CCDC7: variants seen among roughly 807,000 people sequenced by gnomAD.
CCDC7 encodes the protein coiled-coil domain containing 7, also known as coiled-coil domain-containing protein 7.
CCDC7 carries 183 observed loss-of-function variants against 196.9 expected under a neutral mutation model. The observed-to-expected ratio is 0.93, with a 90% CI of 0.82 to 1.05. The LOEUF (loss-of-function observed/expected upper bound fraction) is 1.05, where lower values mean the gene tolerates loss of function less well. CCDC7 is among the 50% of genes least tolerant of loss of function. The pLI, the probability that CCDC7 is intolerant of heterozygous loss-of-function variation, is 0.00. For synonymous variants in CCDC7, 525 were observed against 484.6 expected (o/e 1.08, Z -1.10); for missense variants, 1,540 against 1,482.2 (o/e 1.04, Z -0.64).
In CCDC7 at chr10:32,569,291, A is replaced by G. The variant is rs144487333; in HGVS notation, c.1419+1400A>G. Among the ~76,000 whole-genome samples the G allele has an allele frequency of 2.4e-4, 37 of 152,318 alleles. No homozygotes were observed. In the East Asian group the frequency reaches 6.0e-3, roughly 25 times the overall value. Reference sequence around the variant, plus strand: ...GGAGATTTTGATGTAATAGAAGTTTATACTCATTGTCCATGTTCTTATAGT... The same window carrying G: ...GGAGATTTTGATGTAATAGAAGTTTGTACTCATTGTCCATGTTCTTATAGT... On this transcript the variant is annotated intron_variant, in intron 15 of 41. Transcript: ENST00000639629.
At chr10:32,670,612 A>C (rs930561469) in intron 21 of CCDC7, among the ~76,000 whole-genome samples, 4 of 140,200 alleles carry the variant, frequency 2.9e-5, no homozygotes, top group African/African-American at 1.1e-4. Flanking sequence ...TCATTGTTCA[A>C]TTCCCACCTA....
intron 11 of CCDC7, among the ~76,000 whole-genome samples, chr10:32,535,687 A>C (rs571462653): frequency 6.6e-6 from 1 of 152,202 alleles, no homozygotes; most frequent in African/African-American, 2.4e-5. Context: ...TAGAAACAAT[A>C]GATAGCAAAT....
At chr10:32,778,402 T>C (rs1485159427) in intron 28 of CCDC7, among the ~76,000 whole-genome samples, 3 of 152,240 alleles carry the variant, frequency 2.0e-5, no homozygotes, top group Admixed American at 2.0e-4. Flanking sequence ...CTTCTGCATA[T>C]GGCTTGCCAG....
At chr10:32,578,090 T>C (rs2058398438) in intron 16 of CCDC7, among the ~76,000 whole-genome samples, 1 of 152,170 alleles carries the variant, frequency 6.6e-6, no homozygotes, top group Admixed American at 6.5e-5. Flanking sequence ...AAGTTAGAAC[T>C]TGTTTTTAGG....
chr10:32,704,499 A>C (rs147027118), intron 24 of CCDC7, among the ~76,000 whole-genome samples: 3 of 152,112 alleles, frequency 2.0e-5, no homozygotes, highest in Non-Finnish European at 4.4e-5. Context: ...TCAGATCTCA[A>C]ACTCCATGCT....
chr10:32,844,307 G>A (rs937317712), intron 33 of CCDC7, among the ~76,000 whole-genome samples: 5 of 151,770 alleles, frequency 3.3e-5, no homozygotes, highest in Admixed American at 2.0e-4. Flanking sequence ...TACTTACTTC[G>A]TCCTCCCCAA....
intron 24 of CCDC7, among the ~76,000 whole-genome samples, chr10:32,700,457 G>GC (rs1171065974): frequency 6.6e-6 from 1 of 151,606 alleles, no homozygotes; most frequent in East Asian, 1.9e-4. Context: ...GGTTACTGCA[G>GC]CCTTGTAGTA....
At chr10:32,605,505 C>T (rs549404414) in intron 18 of CCDC7, among the ~76,000 whole-genome samples, 4 of 152,230 alleles carry the variant, frequency 2.6e-5, no homozygotes, top group South Asian at 2.1e-4. Flanking sequence ...ATGATTGTGA[C>T]GAAAATGCTG....
intron 32 of CCDC7, 105 bp downstream of exon 33, chr10:32,824,709 GAA>G: frequency 1.5e-6 from 1 of 645,350 alleles, no homozygotes; most frequent in Non-Finnish European, 2.6e-6. Flanking sequence ...TATCACGTGA[GAA>G]AAAGTCTTCA....
chr10:32,659,141 T>G (rs1425137596), intron 20 of CCDC7, among the ~76,000 whole-genome samples: 2 of 152,156 alleles, frequency 1.3e-5, no homozygotes, highest in African/African-American at 4.8e-5. Flanking sequence ...GGATTTGAGG[T>G]CTTTCTTTTT....
intron 25 of CCDC7, chr10:32,725,293 T>G: frequency 2.1e-6 from 1 of 469,858 alleles, no homozygotes; most frequent in South Asian, 1.6e-5. Flanking sequence ...ACAAAATTGC[T>G]TAGCATATAC....
exon 9 of CCDC7, chr10:32,491,955 C>T: frequency 6.3e-7 from 1 of 1,575,460 alleles, no homozygotes; most frequent in Non-Finnish European, 8.6e-7. Context: ...CGATTTAATG[C>T]CATGTTGAAA....
chr10:32,844,761 A>C lies in CCDC7; in HGVS notation c.3353-482A>C, dbSNP rs144046701. On this transcript the variant is annotated intron_variant, in intron 33 of 41. Coordinates refer to ENST00000639629, the Ensembl canonical transcript of CCDC7. Reference sequence around the variant, plus strand: ...AATCATGAAGCATCTCTGAACTTCAATATAATAGGCTTATATGAGTTCTAA... The same window carrying C: ...AATCATGAAGCATCTCTGAACTTCACTATAATAGGCTTATATGAGTTCTAA... Among the ~76,000 whole-genome samples, 906 of 151,936 alleles carry C rather than the reference A, an allele frequency of 6.0e-3. 10 individuals carry two copies. Among genetic ancestry groups the C allele is most frequent in the African/African-American group, 0.021 (864 of 41,518 alleles).
Position 32,641,916 on chromosome 10 carries a change from A to G in CCDC7, c.2014+6758A>G, listed in dbSNP as rs571938142. On this transcript the variant is annotated intron_variant, in intron 20 of 41. Transcript: ENST00000639629. ...GTCTGTTGGAGTTTGCTGGAGGTCC[A>G]CTCCAGACCCTGTTTGCCTGGGTAT... 3.4e-4 allele frequency among the ~76,000 whole-genome samples: 52 copies of G among 152,228 alleles called. 1 individual carries two copies. The highest frequency in any genetic ancestry group is 1.0e-3 in the African/African-American group (42 of 41,532).
At chr10:32,544,177 T>G in intron 12 of CCDC7, 70 bp from the exon 14 acceptor site, 1 of 1,319,498 alleles carries the variant, frequency 7.6e-7, no homozygotes, top group Non-Finnish European at 1.0e-6. Context: ...TAAAAAGTCC[T>G]CCTCAAGAAA....
intron 25 of CCDC7, among the ~76,000 whole-genome samples, chr10:32,715,274 C>T (rs905935442): frequency 2.6e-5 from 4 of 152,200 alleles, no homozygotes; most frequent in African/African-American, 9.7e-5. Flanking sequence ...GAGTGGACCT[C>T]CAGCAAATTC....
downstream of CCDC7, among the ~76,000 whole-genome samples, chr10:32,880,034 T>C (rs1273858674): frequency 2.0e-5 from 3 of 152,186 alleles, no homozygotes; most frequent in African/African-American, 7.2e-5. Context: ...ATATTTATAA[T>C]AGAATGATTT....
rs182478522 is a variant in CCDC7, at chr10:32,779,651, C to T, written c.3013+567C>T. ...TTCTGTGGTAGCTTTTGAATCACTC[C>T]TTAAAGGCATCAGGCAAACACGAAC... On this transcript the variant is annotated intron_variant, in intron 29 of 41. Coordinates refer to ENST00000639629, the Ensembl canonical transcript of CCDC7. Among the ~76,000 whole-genome samples, 552 of 152,234 alleles carry T rather than the reference C, an allele frequency of 3.6e-3. 3 individuals carry two copies. Among genetic ancestry groups the T allele is most frequent in the African/African-American group, 0.013 (530 of 41,542 alleles).
intron 16 of CCDC7, among the ~76,000 whole-genome samples, chr10:32,577,808 C>T (rs1375789121): frequency 1.3e-5 from 2 of 152,138 alleles, no homozygotes; most frequent in Non-Finnish European, 2.9e-5. Flanking sequence ...TTTTCCTGGG[C>T]ATGTACCACC....
Sources: gnomAD v4.1 joint callset for allele counts (sites outside exome capture counted in the v4.1 genomes callset) on GRCh38, gnomAD v4.1.1 for gene constraint, MANE v1.5 for transcripts, NCBI Gene and HGNC (gene_info 2026-07-23, HGNC 2026-07-21) for gene names.